The following RPS6KC1 variants were observed in gnomAD, a reference collection of about 807,000 sequenced individuals.
RPS6KC1 encodes the protein inactive ribosomal protein S6 kinase delta-1.
In RPS6KC1, 54 loss-of-function variants were observed where a neutral mutation model predicts 103.8. The ratio of observed to expected loss-of-function variants is 0.52; its 90% confidence interval spans 0.42 to 0.65. RPS6KC1 has a LOEUF of 0.65. Among genes scored for constraint, RPS6KC1 ranks in the 30% least tolerant of loss-of-function variants. RPS6KC1 has a pLI of 0.00. For synonymous variants in RPS6KC1, 439 were observed against 438.7 expected, an observed-to-expected ratio of 1.00 and a Z score of -0.01; for missense variants, 1,151 against 1,253.8, an observed-to-expected ratio of 0.92 and a Z score of 1.24.
chr1:213,328,863 T>C, the RPS6KC1 span, among the ~76,000 whole-genome samples: 7,397 of 152,082 alleles, frequency 0.049, 231 homozygotes, highest in South Asian at 0.082. Context: ...GGTTAACTGC[T>C]TTTTTTCTAG....
chr1:213,672,314 T>G, the RPS6KC1 span, among the ~76,000 whole-genome samples: 2 of 152,358 alleles, frequency 1.3e-5, no homozygotes, highest in Admixed American at 1.3e-4. Flanking sequence ...CTTGAAAGCC[T>G]TGTCCATATT....
At chr1:213,216,997 C>T (rs1392353972) in intron 8 of RPS6KC1, among the ~76,000 whole-genome samples, 2 of 151,638 alleles carry the variant, frequency 1.3e-5, no homozygotes, top group Admixed American at 6.6e-5. Flanking sequence ...CAAAAGCTAG[C>T]AGAAGGCAAG....
the RPS6KC1 span, among the ~76,000 whole-genome samples, chr1:213,585,363 G>T: frequency 6.6e-6 from 1 of 152,120 alleles, no homozygotes; most frequent in Non-Finnish European, 1.5e-5. Flanking sequence ...CCTGAGAAAG[G>T]ACTGCTTGCT....
At chr1:213,271,763 CAAA>C (rs58938920) in intron 14 of RPS6KC1, among the ~76,000 whole-genome samples, 6 of 114,794 alleles carry the variant, frequency 5.2e-5, no homozygotes, top group Non-Finnish European at 6.8e-5. Context: ...AACTCCGTCT[CAAA>C]AAAAAAAAAA....
At chr1:213,061,020 C>T (rs1357077159) in intron 1 of RPS6KC1, among the ~76,000 whole-genome samples, 1 of 151,820 alleles carries the variant, frequency 6.6e-6, no homozygotes, top group African/African-American at 2.4e-5. Flanking sequence ...GGCCCGCTTC[C>T]TGATTTGCAT....
the RPS6KC1 span, among the ~76,000 whole-genome samples, chr1:213,601,472 T>C: frequency 6.7e-6 from 1 of 148,330 alleles, no homozygotes; most frequent in Admixed American, 6.8e-5. Flanking sequence ...TATATATTTA[T>C]ATATTAAACT....
the RPS6KC1 span, among the ~76,000 whole-genome samples, chr1:213,325,825 G>A: frequency 6.6e-6 from 1 of 152,200 alleles, no homozygotes; most frequent in Non-Finnish European, 1.5e-5. Context: ...TAACCTGTGA[G>A]GACAACTGAG....
At chr1:213,732,355 G>A in the RPS6KC1 span, among the ~76,000 whole-genome samples, 1 of 18,442 alleles carries the variant, frequency 5.4e-5, no homozygotes, top group Admixed American at 6.3e-4. Context: ...ATGAGTGTGC[G>A]TGTGCGTGTG....
the RPS6KC1 span, among the ~76,000 whole-genome samples, chr1:213,478,644 A>G: frequency 6.6e-6 from 1 of 152,032 alleles, no homozygotes; most frequent in Non-Finnish European, 1.5e-5. Flanking sequence ...ATGCTTATTT[A>G]CCATTTGTGT....
chr1:213,723,587 C>A, the RPS6KC1 span, among the ~76,000 whole-genome samples: 2 of 152,166 alleles, frequency 1.3e-5, no homozygotes. Context: ...TACTTAAGGA[C>A]CCTATCTCTA....
intron 4 of RPS6KC1, among the ~76,000 whole-genome samples, chr1:213,105,286 T>G (rs2082377678): frequency 6.6e-6 from 1 of 151,740 alleles, no homozygotes; most frequent in Non-Finnish European, 1.5e-5. Flanking sequence ...CGGTATATGT[T>G]GTCAGTTGGT....
chr1:213,726,280 G>T, the RPS6KC1 span, among the ~76,000 whole-genome samples: 732 of 152,248 alleles, frequency 4.8e-3, 7 homozygotes, highest in African/African-American at 0.016. Flanking sequence ...GAGAGGGGTT[G>T]CCCAGGTTGG....
At chr1:213,172,206 TAGAG>T (rs1345176323) in intron 7 of RPS6KC1, among the ~76,000 whole-genome samples, 1 of 152,098 alleles carries the variant, frequency 6.6e-6, no homozygotes, top group Non-Finnish European at 1.5e-5. Flanking sequence ...TTGGGAAGAA[TAGAG>T]AGAGAGATCT....
chr1:213,685,973 A>G, the RPS6KC1 span, among the ~76,000 whole-genome samples: 1 of 152,098 alleles, frequency 6.6e-6, no homozygotes, highest in Non-Finnish European at 1.5e-5. Flanking sequence ...TTGTGCCTAG[A>G]GTTCCTCATT....
the RPS6KC1 span, among the ~76,000 whole-genome samples, chr1:213,763,007 C>T: frequency 8.3e-3 from 1,269 of 152,082 alleles, 14 homozygotes; most frequent in African/African-American, 0.027. Flanking sequence ...TACAGGCACC[C>T]GCCACCATGC....
chr1:213,143,550 T>A (rs989802591), intron 6 of RPS6KC1, among the ~76,000 whole-genome samples: 1 of 152,052 alleles, frequency 6.6e-6, no homozygotes, highest in Non-Finnish European at 1.5e-5. Flanking sequence ...AGCCTTTTTT[T>A]AATATACATT....
intron 12 of RPS6KC1, among the ~76,000 whole-genome samples, chr1:213,253,292 T>C (rs994057101): frequency 1.3e-5 from 2 of 152,140 alleles, no homozygotes; most frequent in African/African-American, 4.8e-5. Context: ...GGTGCTCCTT[T>C]AGTGGAAAAA....
intron 1 of RPS6KC1, among the ~76,000 whole-genome samples, chr1:213,067,511 G>A (rs1485977386): frequency 6.6e-6 from 1 of 152,130 alleles, no homozygotes; most frequent in Non-Finnish European, 1.5e-5. Context: ...CTGGTTGACT[G>A]CTTTTGGGAT....
the RPS6KC1 span, among the ~76,000 whole-genome samples, chr1:213,348,610 T>C: frequency 6.6e-6 from 1 of 152,184 alleles, no homozygotes; most frequent in Non-Finnish European, 1.5e-5. Flanking sequence ...AACTCACCTG[T>C]CTTTGGATGT....
Sources: gnomAD v4.1 joint callset for allele counts (sites outside exome capture counted in the v4.1 genomes callset) on GRCh38, gnomAD v4.1.1 for gene constraint, MANE v1.5 for transcripts, NCBI Gene and HGNC (gene_info 2026-07-23, HGNC 2026-07-21) for gene names.